The following LMX1B variants were observed in gnomAD, a reference collection of about 807,000 sequenced individuals.
The protein encoded by LMX1B is LIM homeobox transcription factor 1-beta.
In LMX1B, 12 loss-of-function variants were observed where a neutral mutation model predicts 51.4. The observed-to-expected ratio is 0.23, with a 90% CI of 0.15 to 0.38. LMX1B has a LOEUF of 0.38. Ranked by LOEUF, LMX1B falls within the 10% of genes least tolerant of loss-of-function variation. The probability of loss-of-function intolerance (pLI) is 1.00; values close to 1 mark genes in which losing one functional copy is unlikely to be tolerated. For missense variants in LMX1B, 445 were observed against 571.1 expected (o/e 0.78, Z 2.25); for synonymous variants, 237 against 235.4 (o/e 1.01, Z -0.06).
At position 126,695,996 on chromosome 9, in the gene LMX1B, C is replaced by A; in HGVS notation, c.1044C>A (p.Asn348Lys). Residue 348 changes from asparagine to lysine, a missense_variant, in exon 7 of 8, where the codon AAC becomes AAA. Transcript: ENST00000373474. This position sits in a 1 kb window ranked among gnomAD's most constrained non-coding sequence, Gnocchi z 5.2. ...CCCAAATGCCAGGTGACCACATGAA[C>A]CCCTATGGTAAGCCGCCCTACCCCC... ...TPPQMPGDHM[N>K]PYGNDSIFHD... 2 of 1,606,516 alleles carry A rather than the reference C, an allele frequency of 1.2e-6. No homozygotes were observed. The highest frequency in any genetic ancestry group is 8.5e-7 in the Non-Finnish European group (1 of 1,176,804).
intron 2 of LMX1B, among the ~76,000 whole-genome samples, chr9:126,690,308 G>C (rs747180288): frequency 5.9e-4 from 90 of 152,186 alleles, no homozygotes; most frequent in Non-Finnish European, 1.5e-4. Flanking sequence ...TTCCTGTGTG[G>C]GCTGGGGTTT....
intron 2 of LMX1B, among the ~76,000 whole-genome samples, chr9:126,672,979 G>A (rs1836488102): frequency 6.6e-6 from 1 of 152,256 alleles, no homozygotes; most frequent in Non-Finnish European, 1.5e-5. Flanking sequence ...CCGCCCACCT[G>A]TGGACTCCTC....
chr9:126,684,302 C>G (rs954872022), intron 2 of LMX1B, among the ~76,000 whole-genome samples: 3 of 152,158 alleles, frequency 2.0e-5, no homozygotes, highest in Non-Finnish European at 2.9e-5. Context: ...ACAGACCCAA[C>G]AGTGCAATTA....
intron 2 of LMX1B, among the ~76,000 whole-genome samples, chr9:126,636,586 G>A (rs1835715977): frequency 6.6e-6 from 1 of 150,756 alleles, no homozygotes; most frequent in Admixed American, 6.6e-5. Context: ...GAGGTGGGGG[G>A]CCAGAAAAGA....
At chr9:126,666,093 A>T in intron 2 of LMX1B, among the ~76,000 whole-genome samples, 1 of 152,192 alleles carries the variant, frequency 6.6e-6, no homozygotes, top group East Asian at 1.9e-4. Context: ...GGCAGCTTCT[A>T]TGGCCGGCCT....
At chr9:126,666,500 A>C (rs1763250792) in intron 2 of LMX1B, among the ~76,000 whole-genome samples, 1 of 152,200 alleles carries the variant, frequency 6.6e-6, no homozygotes, top group Non-Finnish European at 1.5e-5. Context: ...AGAGGGTGGA[A>C]AAGTAAGTGA....
chr9:126,675,751 A>G (rs1836543424), intron 2 of LMX1B, among the ~76,000 whole-genome samples: 1 of 137,962 alleles, frequency 7.2e-6, no homozygotes, highest in African/African-American at 2.9e-5. Context: ...AAAAAAAAAG[A>G]TAAAAAATGT....
intron 2 of LMX1B, among the ~76,000 whole-genome samples, chr9:126,624,001 C>T (rs1428077537): frequency 6.6e-6 from 1 of 152,246 alleles, no homozygotes; most frequent in Non-Finnish European, 1.5e-5. Context: ...GAGCCGCGGG[C>T]ACCAGCGGCG....
intron 2 of LMX1B, among the ~76,000 whole-genome samples, chr9:126,665,231 G>A (rs1258317711): frequency 6.6e-6 from 1 of 152,192 alleles, no homozygotes; most frequent in Non-Finnish European, 1.5e-5. Flanking sequence ...CCTCCTCCAC[G>A]GTCCATCGTA....
chr9:126,690,472 TG>T (rs1489528055), intron 2 of LMX1B, among the ~76,000 whole-genome samples: 1 of 152,108 alleles, frequency 6.6e-6, no homozygotes, highest in South Asian at 2.1e-4. Flanking sequence ...ACCAGGGAGC[TG>T]AGGTAGAAAG....
chr9:126,687,843 G>C (rs1203058467), intron 2 of LMX1B, among the ~76,000 whole-genome samples: 4 of 152,166 alleles, frequency 2.6e-5, no homozygotes, highest in Non-Finnish European at 5.9e-5. Context: ...TCAGTGGCTG[G>C]CTCCATAGTC....
chr9:126,628,602 A>C (rs1835575941), intron 2 of LMX1B, among the ~76,000 whole-genome samples: 3 of 152,162 alleles, frequency 2.0e-5, no homozygotes, highest in Non-Finnish European at 4.4e-5. Flanking sequence ...ATTTTCCCAG[A>C]GATCTGAAGC....
chr9:126,614,817 G>A (rs1026217962), intron 1 of LMX1B, among the ~76,000 whole-genome samples: 2 of 152,138 alleles, frequency 1.3e-5, no homozygotes, highest in Non-Finnish European at 2.9e-5. Context: ...TCCTTTCCAG[G>A]CTTAGGTTCT....
intron 2 of LMX1B, among the ~76,000 whole-genome samples, chr9:126,680,724 C>T (rs1408580663): frequency 6.6e-6 from 1 of 152,004 alleles, no homozygotes; most frequent in Non-Finnish European, 1.5e-5. Flanking sequence ...GGTGAATCAC[C>T]AAATCATCAA....
intron 2 of LMX1B, among the ~76,000 whole-genome samples, chr9:126,668,353 T>C (rs1836384994): frequency 1.3e-5 from 2 of 152,122 alleles, no homozygotes; most frequent in African/African-American, 4.8e-5. Context: ...CCTCCCATTT[T>C]ATAGACAAGG....
At chr9:126,616,260 C>T (rs1378317884) in intron 2 of LMX1B, among the ~76,000 whole-genome samples, 2 of 152,224 alleles carry the variant, frequency 1.3e-5, no homozygotes, top group African/African-American at 4.8e-5. Context: ...GCCCTTCCCA[C>T]AAGGCCTCCT....
rs1391881050 is a variant in LMX1B, at chr9:126,645,045, G to A, written c.326+29476G>A. 2.6e-5 allele frequency among the ~76,000 whole-genome samples: 4 copies of A among 152,292 alleles called. No individual in the cohort carries two copies. In the South Asian group the frequency reaches 8.3e-4, roughly 32 times the overall value. On this transcript the variant is annotated intron_variant, in intron 2 of 7. Transcript: ENST00000373474. ...GCTCCCCTGTCCCACCTGGCCCAGC[G>A]GCATAGGCGTCCTGCCACGCTGTGT...
intron 2 of LMX1B, among the ~76,000 whole-genome samples, chr9:126,644,273 A>C (rs561150916): frequency 6.6e-6 from 1 of 152,328 alleles, no homozygotes; most frequent in East Asian, 1.9e-4. Flanking sequence ...TGAGGAGAGA[A>C]ATCCATAAAG....
At chr9:126,648,734 C>A (rs1415559756) in intron 2 of LMX1B, among the ~76,000 whole-genome samples, 1 of 152,146 alleles carries the variant, frequency 6.6e-6, no homozygotes, top group Non-Finnish European at 1.5e-5. Context: ...GGATGCTGGG[C>A]TGCCCGTTGG....
Sources: allele counts gnomAD v4.1 joint callset (sites outside exome capture counted in the v4.1 genomes callset), GRCh38; gene constraint gnomAD v4.1.1; non-coding constraint Gnocchi (gnomAD v3.1); transcripts MANE v1.5; gene names NCBI Gene and HGNC (gene_info 2026-07-23, HGNC 2026-07-21).